The following PDLIM5 variants were observed in gnomAD, a reference collection of about 807,000 sequenced individuals.
PDLIM5 encodes PDZ and LIM domain protein 5.
A neutral mutation model predicts 64.2 loss-of-function variants in PDLIM5; 34 were observed. The ratio of observed to expected loss-of-function variants is 0.53; its 90% CI spans 0.40 to 0.71. The LOEUF is 0.71. PDLIM5 is among the 30% of genes least tolerant of loss of function. The pLI is 0.00. For missense variants in PDLIM5, 683 were observed against 733.6 expected, an observed-to-expected ratio of 0.93 and a Z score of 0.80; for synonymous variants, 253 against 269.1, an observed-to-expected ratio of 0.94 and a Z score of 0.59.
At chr4:94,601,244 A>G (rs895010486) in intron 7 of PDLIM5, among the ~76,000 whole-genome samples, 1 of 152,116 alleles carries the variant, frequency 6.6e-6, no homozygotes, top group Non-Finnish European at 1.5e-5. Context: ...TTCATAGATG[A>G]TGCCTTCTCA....
At chr4:94,482,322 A>G (rs1176291087) in intron 2 of PDLIM5, among the ~76,000 whole-genome samples, 1 of 152,202 alleles carries the variant, frequency 6.6e-6, no homozygotes, top group Non-Finnish European at 1.5e-5. Flanking sequence ...GGTGTGAGCC[A>G]CTGCACCCAG....
chr4:94,457,069 TA>T, intron 2 of PDLIM5: 1 of 864,350 alleles, frequency 1.2e-6, no homozygotes, highest in Non-Finnish European at 1.4e-6. Context: ...TGTGTATGTA[TA>T]AATATATATA....
intron 2 of PDLIM5, among the ~76,000 whole-genome samples, chr4:94,470,180 G>T (rs768157949): frequency 1.3e-5 from 2 of 151,800 alleles, no homozygotes. Flanking sequence ...TAGCCAGTAT[G>T]GTCTTGATCT....
At chr4:94,615,060 G>T (rs1378377837) in intron 7 of PDLIM5, among the ~76,000 whole-genome samples, 1 of 152,074 alleles carries the variant, frequency 6.6e-6, no homozygotes, top group Non-Finnish European at 1.5e-5. Flanking sequence ...CTCTCTGCTG[G>T]GCACTGTGCT....
intron 2 of PDLIM5, among the ~76,000 whole-genome samples, chr4:94,479,066 A>AT (rs112486020): frequency 0.021 from 2,969 of 144,182 alleles, 48 homozygotes; most frequent in East Asian, 0.077. Flanking sequence ...GGGCTGGATA[A>AT]TTTTTTTTTT....
At chr4:94,556,713 A>G (rs1156775412) in intron 3 of PDLIM5, among the ~76,000 whole-genome samples, 2 of 152,090 alleles carry the variant, frequency 1.3e-5, no homozygotes, top group African/African-American at 4.8e-5. Context: ...ATTTTGGAAC[A>G]TGTCTGCTCA....
intron 3 of PDLIM5, among the ~76,000 whole-genome samples, chr4:94,542,961 T>C (rs990565343): frequency 6.6e-6 from 1 of 152,226 alleles, no homozygotes; most frequent in African/African-American, 2.4e-5. Flanking sequence ...AAGACATATG[T>C]GATGTTTACC....
intron 3 of PDLIM5, among the ~76,000 whole-genome samples, chr4:94,539,328 C>A (rs1731579422): frequency 6.6e-6 from 1 of 152,062 alleles, no homozygotes; most frequent in Admixed American, 6.6e-5. Flanking sequence ...AAAACTGTTA[C>A]ATGTGCTTTA....
intron 2 of PDLIM5, among the ~76,000 whole-genome samples, chr4:94,477,102 T>C (rs1191070394): frequency 2.6e-5 from 4 of 152,166 alleles, no homozygotes; most frequent in African/African-American, 4.8e-5. Flanking sequence ...TGCATGGTAT[T>C]GTTTTGTGTC....
intron 9 of PDLIM5, among the ~76,000 whole-genome samples, chr4:94,645,854 C>T (rs1741370697): frequency 1.3e-5 from 2 of 152,126 alleles, no homozygotes; most frequent in African/African-American, 2.4e-5. Flanking sequence ...AAAACACCCT[C>T]AGTAAACCTG....
Position 94,455,362 on chromosome 4 carries a change from A to C in PDLIM5, c.74A>C (p.Asn25Thr), listed in dbSNP as rs1471083382. 1 of 1,611,004 alleles carries C rather than the reference A, an allele frequency of 6.2e-7. No individual in the cohort carries two copies. Among genetic ancestry groups the C allele is most frequent in the Non-Finnish European group, 8.5e-7 (1 of 1,177,250 alleles). ...CGGCTGCAGGGCGGTAAGGATTTCAACATGCCTCTGACAATCTCTAGTGTA... is the reference window on the plus strand; with the variant it reads ...CGGCTGCAGGGCGGTAAGGATTTCACCATGCCTCTGACAATCTCTAGTGTA... ...GFRLQGGKDF[N>T]MPLTISSLKD... Residue 25 changes from asparagine to threonine, a missense_variant, in exon 2 of 13, where the codon AAC (asparagine) becomes ACC (threonine). Asn to Thr is a moderately conservative substitution (Grantham distance 65, BLOSUM62 0). Transcript: ENST00000317968.
chr4:94,557,891 C>T (rs893570888), intron 3 of PDLIM5, among the ~76,000 whole-genome samples: 1 of 152,046 alleles, frequency 6.6e-6, no homozygotes, highest in Non-Finnish European at 1.5e-5. Flanking sequence ...AATTGAATAC[C>T]CTTTATTTCT....
In PDLIM5 at chr4:94,587,864, CT is replaced by C. The variant is rs1426702667; in HGVS notation, c.920+1427del. ...ATAAGATATGGAAAAGATAGCTTTG[CT>C]TTTTTTAATCAGAAGAACATAAAAT... is the stretch of plus-strand genomic sequence containing the variant. On this transcript the variant is annotated intron_variant, in intron 7 of 12. Transcript: ENST00000317968. 9.2e-6 allele frequency: 8 copies of C among 866,856 alleles called. No homozygotes were observed. The African/African-American group carries it at 1.1e-4, about 12-fold the overall frequency. The allele number at this position is 866,856 out of a possible 1,614,324, so 53.7% of individuals were successfully genotyped here. A position where few individuals can be genotyped will look rare whatever the true frequency, so the allele number is the denominator to read the frequency against.
At chr4:94,524,150 G>T (rs1282799197) in intron 3 of PDLIM5, among the ~76,000 whole-genome samples, 1 of 151,952 alleles carries the variant, frequency 6.6e-6, no homozygotes, top group Non-Finnish European at 1.5e-5. Flanking sequence ...CGGGAGGATT[G>T]GTTGAGCTAA....
chr4:94,637,347 T>C (rs1740652547), intron 8 of PDLIM5, among the ~76,000 whole-genome samples: 1 of 152,032 alleles, frequency 6.6e-6, no homozygotes, highest in Admixed American at 6.6e-5. Flanking sequence ...GATCACAAAG[T>C]CAGGAGTTCG....
chr4:94,664,229 G>T lies in PDLIM5; in HGVS notation c.*162G>T. On this transcript the variant is annotated 3_prime_UTR_variant, in exon 13 of 13. Transcript: ENST00000317968. Reference sequence around the variant, plus strand: ...AAAAACCAAGTCTGAGGAAATATTTGGCTTCATAAAGTAAAGAGACGGTTT... The same window carrying T: ...AAAAACCAAGTCTGAGGAAATATTTTGCTTCATAAAGTAAAGAGACGGTTT... 8.5e-7 allele frequency: 1 copy of T among 1,177,704 alleles called. No individual in the cohort carries two copies. Among genetic ancestry groups the T allele is most frequent in the Non-Finnish European group, 1.1e-6 (1 of 940,666 alleles). The allele number at this position is 1,177,704 out of a possible 1,614,324, so 73.0% of individuals were successfully genotyped here.
chr4:94,586,548 C>T lies in PDLIM5; in HGVS notation c.920+104C>T, dbSNP rs1219870585. ...ATAATGGTATGGCATTTCGTCTTTGCAGCTAGAAGCTAAGCATTTAACTTT... is the reference window on the plus strand; with the variant it reads ...ATAATGGTATGGCATTTCGTCTTTGTAGCTAGAAGCTAAGCATTTAACTTT... On this transcript the variant is annotated intron_variant, in intron 7 of 12. Coordinates refer to ENST00000317968, the MANE Select transcript of PDLIM5 (RefSeq NM_006457.5). 6.0e-6 allele frequency: 4 copies of T among 666,182 alleles called. No individual in the cohort carries two copies. The Admixed American group carries it at 7.7e-5, about 13-fold the overall frequency. The allele number at this position is 666,182 out of a possible 1,614,324, so 41.3% of individuals were successfully genotyped here.
intron 7 of PDLIM5, among the ~76,000 whole-genome samples, chr4:94,608,403 T>C (rs1177748041): frequency 2.0e-5 from 3 of 152,226 alleles, no homozygotes; most frequent in African/African-American, 7.2e-5. Context: ...GAAATCTCTT[T>C]CATTTATTCA....
chr4:94,455,438 G>C, intron 2 of PDLIM5, 54 bp downstream of exon 2: 2 of 1,101,030 alleles, frequency 1.8e-6, no homozygotes, highest in Non-Finnish European at 2.8e-6. Context: ...CTTAGTCCTC[G>C]GGCTGAGTTG....
Sources: allele counts gnomAD v4.1 joint callset (sites outside exome capture counted in the v4.1 genomes callset), GRCh38; gene constraint gnomAD v4.1.1; transcripts MANE v1.5; gene names NCBI Gene and HGNC (gene_info 2026-07-23, HGNC 2026-07-21).